Variants in ATAD2B observed in about 807,000 individuals in gnomAD.
ATAD2B encodes ATPase family AAA domain-containing protein 2B.
A neutral mutation model predicts 167.6 loss-of-function variants in ATAD2B; 40 were observed. The ratio of observed to expected loss-of-function variants is 0.24; its 90% CI spans 0.19 to 0.31. ATAD2B has a LOEUF of 0.31. ATAD2B is among the 10% of genes least tolerant of loss of function. The pLI is 1.00. For synonymous variants in ATAD2B, 579 were observed against 596.5 expected (o/e 0.97, Z 0.43); for missense variants, 1,242 against 1,757.2 (o/e 0.71, Z 5.24).
intron 8 of ATAD2B, among the ~76,000 whole-genome samples, chr2:23,874,892 T>C (rs1573178154): frequency 6.7e-6 from 1 of 148,668 alleles, no homozygotes; most frequent in East Asian, 2.0e-4. Flanking sequence ...CCATCTCTAC[T>C]AAAAATACAA....
rs1438499131 is a variant in ATAD2B at position 23,787,850 on chromosome 2, G to GA, written c.2776+661dup. Among the ~76,000 whole-genome samples, 4 of 152,124 alleles carry GA rather than the reference G, an allele frequency of 2.6e-5. No individual in the cohort carries two copies. The East Asian group carries it at 7.7e-4, about 29-fold the overall frequency. ...TTACACATCTTTAAGATTAGGAAAA[G>GA]AAAATCTCTTTTGAATGACTTAGAA... On this transcript the variant is annotated intron_variant, in intron 20 of 27. Transcript: ENST00000238789.
chr2:23,725,616 A>G, the ATAD2B span, among the ~76,000 whole-genome samples: 1 of 152,214 alleles, frequency 6.6e-6, no homozygotes, highest in Non-Finnish European at 1.5e-5. Context: ...CCCCAGAGAA[A>G]TCCCTAAAAG....
chr2:23,681,323 GAGCAGAA>G, the ATAD2B span, among the ~76,000 whole-genome samples: 10 of 152,244 alleles, frequency 6.6e-5, no homozygotes, highest in African/African-American at 2.4e-4. This position sits in a 1 kb window ranked among gnomAD's most constrained non-coding sequence, Gnocchi z 4.2. Context: ...GATTCAGAGA[GAGCAGAA>G]AGCACCTACA....
At chr2:23,920,927 G>A (rs949599528) in intron 1 of ATAD2B, among the ~76,000 whole-genome samples, 10 of 152,198 alleles carry the variant, frequency 6.6e-5, no homozygotes, top group African/African-American at 1.9e-4. Context: ...CACTTGGGCC[G>A]GATGTGGTGG....
In ATAD2B at chr2:23,790,440, T is replaced by C. The variant is rs369490336; in HGVS notation, c.2641-1793A>G. Among the ~76,000 whole-genome samples, 44 of 152,276 alleles carry C rather than the reference T, an allele frequency of 2.9e-4. 1 individual carries two copies. The South Asian group carries it at 8.7e-3, about 30-fold the overall frequency. ...GTTCAAGAATGGCAAAACATTTCAT[T>C]TTAACTATTTTCTCTGATAATTTTC... On this transcript the variant is annotated intron_variant, in intron 19 of 27. Transcript: ENST00000238789.
the ATAD2B span, among the ~76,000 whole-genome samples, chr2:23,709,334 G>A: frequency 3.3e-5 from 5 of 152,132 alleles, no homozygotes; most frequent in East Asian, 1.9e-4. Context: ...GAGCCACTGC[G>A]CCCAGCCAGG....
At chr2:23,868,283 G>T (rs77400587) in intron 9 of ATAD2B, among the ~76,000 whole-genome samples, 3,920 of 152,164 alleles carry the variant, frequency 0.026, 171 homozygotes, top group African/African-American at 0.09. Flanking sequence ...ATAATATATG[G>T]GATTAAAATA....
At chr2:23,767,182 C>T (rs1239184226) in intron 22 of ATAD2B, among the ~76,000 whole-genome samples, 10 of 151,472 alleles carry the variant, frequency 6.6e-5, no homozygotes, top group Admixed American at 4.6e-4. Context: ...TGACTCATTC[C>T]GATTACCTAC....
chr2:23,834,467 G>C (rs1328202934), intron 13 of ATAD2B, among the ~76,000 whole-genome samples: 1 of 151,800 alleles, frequency 6.6e-6, no homozygotes, highest in Admixed American at 6.6e-5. Flanking sequence ...CGGCTTATCA[G>C]TCTTTAATGC....
At chr2:23,694,703 TCACTC>T in the ATAD2B span, among the ~76,000 whole-genome samples, 1 of 152,144 alleles carries the variant, frequency 6.6e-6, no homozygotes, top group East Asian at 1.9e-4. Context: ...CCATTCTCTT[TCACTC>T]TCTGACGCCT....
At chr2:23,737,261 C>A in the ATAD2B span, among the ~76,000 whole-genome samples, 1 of 152,190 alleles carries the variant, frequency 6.6e-6, no homozygotes, top group Admixed American at 6.5e-5. Flanking sequence ...TCAAGTGGGT[C>A]CCTGACCCCC....
chr2:23,900,750 T>C (rs1020412637), intron 1 of ATAD2B: 4 of 152,190 alleles, frequency 2.6e-5, no homozygotes, highest in African/African-American at 7.2e-5. Flanking sequence ...GCCCTGTCAC[T>C]GCAAGGTTCC....
chr2:23,704,235 AG>A, the ATAD2B span, among the ~76,000 whole-genome samples: 1 of 152,234 alleles, frequency 6.6e-6, no homozygotes, highest in Non-Finnish European at 1.5e-5. Context: ...TACAGGGACA[AG>A]TGACTTCTTG....
chr2:23,717,584 G>C, the ATAD2B span, among the ~76,000 whole-genome samples: 4 of 152,098 alleles, frequency 2.6e-5, no homozygotes, highest in African/African-American at 4.8e-5. Flanking sequence ...AGGAGAGAGA[G>C]CTCCAGAGCC....
intron 6 of ATAD2B, among the ~76,000 whole-genome samples, chr2:23,883,079 G>A (rs1698189312): frequency 6.6e-6 from 1 of 151,990 alleles, no homozygotes; most frequent in Admixed American, 6.6e-5. Flanking sequence ...ATCAAGACCA[G>A]CCTGGGCAAC....
At chr2:23,789,162 T>C (rs1161322739) in intron 19 of ATAD2B, among the ~76,000 whole-genome samples, 1 of 152,108 alleles carries the variant, frequency 6.6e-6, no homozygotes, top group African/African-American at 2.4e-5. Flanking sequence ...TAGTCTAGTT[T>C]ATGCTCCATG....
chr2:23,678,301 T>C, the ATAD2B span, among the ~76,000 whole-genome samples: 154 of 152,256 alleles, frequency 1.0e-3, 1 homozygote, highest in African/African-American at 3.6e-3. Context: ...ACTCACCACT[T>C]AGAACCAATG....
chr2:23,770,872 T>C (rs1182104911), intron 22 of ATAD2B, among the ~76,000 whole-genome samples: 1 of 152,234 alleles, frequency 6.6e-6, no homozygotes, highest in Non-Finnish European at 1.5e-5. Context: ...TTCTATCAAA[T>C]GCCTGCTGGA....
intron 1 of ATAD2B, among the ~76,000 whole-genome samples, chr2:23,924,932 G>T (rs1286917039): frequency 2.0e-5 from 3 of 152,098 alleles, no homozygotes; most frequent in Non-Finnish European, 4.4e-5. Context: ...TCAAAAATGG[G>T]ACCACAAACT....
Sources: allele counts gnomAD v4.1 joint callset (sites outside exome capture counted in the v4.1 genomes callset), GRCh38; gene constraint gnomAD v4.1.1; non-coding constraint Gnocchi (gnomAD v3.1); transcripts MANE v1.5; gene names NCBI Gene and HGNC (gene_info 2026-07-23, HGNC 2026-07-21).